DYNC1I1: variants seen among roughly 807,000 people sequenced by gnomAD.
The protein encoded by DYNC1I1 is dynein cytoplasmic 1 intermediate chain 1.
In DYNC1I1, 43 loss-of-function variants were observed where a neutral mutation model predicts 86.6. The observed-to-expected ratio is 0.50, with a 90% confidence interval of 0.39 to 0.64. DYNC1I1 has a LOEUF of 0.64. Ranked by LOEUF, DYNC1I1 falls within the 30% of genes least tolerant of loss-of-function variation. The pLI, the probability that DYNC1I1 is intolerant of heterozygous loss-of-function variation, is 0.00. For synonymous variants in DYNC1I1, 262 were observed against 283.7 expected (o/e 0.92, Z 0.77); for missense variants, 604 against 788.8 (o/e 0.77, Z 2.81).
downstream of DYNC1I1, among the ~76,000 whole-genome samples, chr7:96,099,652 T>A (rs1346352421): frequency 6.6e-6 from 1 of 152,136 alleles, no homozygotes; most frequent in African/African-American, 2.4e-5. Flanking sequence ...AGAGAGATGA[T>A]CTCTTTCATG....
At chr7:95,930,160 G>A (rs1237437465) in intron 6 of DYNC1I1, among the ~76,000 whole-genome samples, 1 of 152,180 alleles carries the variant, frequency 6.6e-6, no homozygotes, top group Non-Finnish European at 1.5e-5. Flanking sequence ...TTCTATTCTA[G>A]CCTGGCTGGT....
intron 1 of DYNC1I1, among the ~76,000 whole-genome samples, chr7:95,786,499 C>A (rs1471034962): frequency 1.3e-5 from 2 of 152,144 alleles, no homozygotes; most frequent in Non-Finnish European, 1.5e-5. Context: ...GAGACAGACT[C>A]TATGTTGATC....
At chr7:96,071,723 A>G (rs925572064) in intron 14 of DYNC1I1, among the ~76,000 whole-genome samples, 4 of 152,206 alleles carry the variant, frequency 2.6e-5, no homozygotes, top group African/African-American at 9.7e-5. Context: ...TTGCAAATAT[A>G]TAGATAACAT....
At chr7:95,937,623 A>G (rs996076664) in intron 6 of DYNC1I1, among the ~76,000 whole-genome samples, 30 of 152,128 alleles carry the variant, frequency 2.0e-4, no homozygotes, top group African/African-American at 7.0e-4. Context: ...TAATAATGGT[A>G]TTATGATTGG....
At chr7:96,038,346 T>C (rs908516823) in intron 13 of DYNC1I1, among the ~76,000 whole-genome samples, 8 of 152,314 alleles carry the variant, frequency 5.3e-5, no homozygotes, top group Admixed American at 1.3e-4. Flanking sequence ...ATTTTAAATA[T>C]AGCATTTTTG....
Position 95,844,227 on chromosome 7 carries a change from G to A in DYNC1I1, c.374+16111G>A, listed in dbSNP as rs1433695711. 2.0e-5 allele frequency among the ~76,000 whole-genome samples: 3 copies of A among 152,168 alleles called. No homozygotes were observed. The East Asian group carries it at 5.8e-4, about 29-fold the overall frequency. ...TATAGAATATTTATTGGCTTCAGAAGCCTCGTGATTATATTTCCTTTACGT... is the reference window on the plus strand; with the variant it reads ...TATAGAATATTTATTGGCTTCAGAAACCTCGTGATTATATTTCCTTTACGT... On this transcript the variant is annotated intron_variant, in intron 5 of 16. Transcript: ENST00000447467.
intron 7 of DYNC1I1, among the ~76,000 whole-genome samples, chr7:95,984,193 A>G (rs1793525050): frequency 6.6e-6 from 1 of 152,184 alleles, no homozygotes; most frequent in Non-Finnish European, 1.5e-5. Flanking sequence ...GGGTTGTTTT[A>G]TAGAAGCATG....
chr7:95,951,250 A>T (rs559035747), intron 6 of DYNC1I1, among the ~76,000 whole-genome samples: 1 of 152,260 alleles, frequency 6.6e-6, no homozygotes, highest in Admixed American at 6.5e-5. Flanking sequence ...AGAAAATATG[A>T]CTTCAGTCCA....
rs181898946 is a variant in DYNC1I1 at position 95,949,674 on chromosome 7, G to A, written c.491-27838G>A. Among the ~76,000 whole-genome samples the A allele has an allele frequency of 1.0e-3, 159 of 152,322 alleles. 1 individual carries two copies. Among genetic ancestry groups the A allele is most frequent in the Admixed American group, 2.5e-3 (39 of 15,300 alleles). On this transcript the variant is annotated intron_variant, in intron 6 of 16. Transcript: ENST00000447467. ...GCTGAGATGAAAGTCATTCAGCATG[G>A]AGCTCTCATCAGTGAGGATTTAAGA...
At chr7:96,071,872 G>A (rs1361072711) in intron 14 of DYNC1I1, among the ~76,000 whole-genome samples, 1 of 152,134 alleles carries the variant, frequency 6.6e-6, no homozygotes, top group Non-Finnish European at 1.5e-5. Flanking sequence ...AGAGGTAACA[G>A]ATCTATTGTC....
intron 6 of DYNC1I1, among the ~76,000 whole-genome samples, chr7:95,977,064 A>C (rs755804094): frequency 4.6e-5 from 7 of 152,190 alleles, no homozygotes; most frequent in Non-Finnish European, 1.0e-4. Flanking sequence ...ACCTGTATTT[A>C]ACCCTTTCCT....
chr7:96,076,700 G>A (rs1412697959), intron 15 of DYNC1I1, among the ~76,000 whole-genome samples: 1 of 152,026 alleles, frequency 6.6e-6, no homozygotes, highest in Non-Finnish European at 1.5e-5. Context: ...TTTGTACCAA[G>A]GTAAATATTC....
chr7:96,068,840 T>G (rs1356166023), intron 14 of DYNC1I1, among the ~76,000 whole-genome samples: 4 of 152,210 alleles, frequency 2.6e-5, no homozygotes, highest in African/African-American at 9.6e-5. Flanking sequence ...GTGAAATGGG[T>G]TGTTAGCCAG....
chr7:96,065,347 C>A (rs867919554), intron 14 of DYNC1I1, among the ~76,000 whole-genome samples: 4 of 151,344 alleles, frequency 2.6e-5, no homozygotes, highest in Admixed American at 6.6e-5. Context: ...TCTTCTCCAT[C>A]CTCCCCACTC....
intron 6 of DYNC1I1, among the ~76,000 whole-genome samples, chr7:95,955,796 G>A (rs550080004): frequency 2.0e-5 from 3 of 152,156 alleles, no homozygotes; most frequent in Non-Finnish European, 4.4e-5. Context: ...TGTGAACATA[G>A]CCTACAGTAG....
At chr7:95,861,089 C>G (rs1319607527) in intron 5 of DYNC1I1, among the ~76,000 whole-genome samples, 1 of 152,004 alleles carries the variant, frequency 6.6e-6, no homozygotes, top group African/African-American at 2.4e-5. Flanking sequence ...TGAAATGACC[C>G]CTTTTGGTTT....
chr7:95,876,256 T>C (rs1490256564), intron 6 of DYNC1I1, among the ~76,000 whole-genome samples: 3 of 152,180 alleles, frequency 2.0e-5, no homozygotes, highest in Non-Finnish European at 4.4e-5. Context: ...TCCGAAATGC[T>C]CCTATCTGGA....
chr7:95,826,475 AG>A (rs1795205973), intron 4 of DYNC1I1, among the ~76,000 whole-genome samples: 1 of 152,236 alleles, frequency 6.6e-6, no homozygotes, highest in African/African-American at 2.4e-5. Flanking sequence ...TAATCCTTGT[AG>A]AAAACCAGCA....
intron 14 of DYNC1I1, among the ~76,000 whole-genome samples, chr7:96,063,878 C>T (rs1199204592): frequency 6.6e-6 from 1 of 152,168 alleles, no homozygotes; most frequent in African/African-American, 2.4e-5. Context: ...TTCACTACCG[C>T]CACCTCCTAA....
Sources: gnomAD v4.1 joint callset for allele counts (sites outside exome capture counted in the v4.1 genomes callset) on GRCh38, gnomAD v4.1.1 for gene constraint, MANE v1.5 for transcripts, NCBI Gene and HGNC (gene_info 2026-07-23, HGNC 2026-07-21) for gene names.